The following KHDC1 variants were observed in gnomAD, a reference collection of about 807,000 sequenced individuals.
The protein encoded by KHDC1 is KH domain containing 1.
A neutral mutation model predicts 24.7 loss-of-function variants in KHDC1; 21 were observed. The observed-to-expected ratio is 0.85, with a 90% confidence interval of 0.60 to 1.23. The LOEUF (loss-of-function observed/expected upper bound fraction) is 1.23. Ranked by LOEUF, KHDC1 falls within the 50% of genes most tolerant of loss-of-function variation. The probability of loss-of-function intolerance (pLI) is 0.00; values close to 1 mark genes in which losing one functional copy is unlikely to be tolerated. For synonymous variants in KHDC1, 98 were observed against 111.7 expected, an observed-to-expected ratio of 0.88 and a Z score of 0.77; for missense variants, 274 against 298.5, an observed-to-expected ratio of 0.92 and a Z score of 0.61.
At chr6:73,267,080 AT>A (rs1767086971) in intron 2 of KHDC1, among the ~76,000 whole-genome samples, 1 of 152,212 alleles carries the variant, frequency 6.6e-6, no homozygotes, top group African/African-American at 2.4e-5. Flanking sequence ...CGATATACAA[AT>A]GGCCAATAAG....
At chr6:73,309,177 G>A (rs1017114855) in intron 1 of KHDC1, among the ~76,000 whole-genome samples, 2 of 152,238 alleles carry the variant, frequency 1.3e-5, no homozygotes, top group East Asian at 1.9e-4. Flanking sequence ...GCGGGACTCC[G>A]CTTTGAGATC....
chr6:73,289,431 T>C (rs1317297720), intron 2 of KHDC1, among the ~76,000 whole-genome samples: 8 of 139,890 alleles, frequency 5.7e-5, no homozygotes, highest in South Asian at 2.4e-4. Flanking sequence ...GGGTGGATCA[T>C]TGGAGGCCAG....
chr6:73,280,800 G>A (rs1036251191), intron 2 of KHDC1, among the ~76,000 whole-genome samples: 2 of 152,008 alleles, frequency 1.3e-5, no homozygotes, highest in Admixed American at 6.6e-5. Context: ...GATTACAGGT[G>A]TGAGCCACCA....
At chr6:73,304,950 T>C (rs1193029174) in intron 1 of KHDC1, among the ~76,000 whole-genome samples, 1 of 152,046 alleles carries the variant, frequency 6.6e-6, no homozygotes, top group East Asian at 1.9e-4. Flanking sequence ...TTAAAATAAG[T>C]ATAGAAGCCA....
intron 2 of KHDC1, among the ~76,000 whole-genome samples, chr6:73,259,962 G>C (rs897846373): frequency 6.6e-6 from 1 of 152,084 alleles, no homozygotes; most frequent in African/African-American, 2.4e-5. Flanking sequence ...AGCTGTCCAG[G>C]GGGTAGGGCA....
chr6:73,273,138 C>T (rs1328193156), intron 2 of KHDC1, among the ~76,000 whole-genome samples: 1 of 150,394 alleles, frequency 6.6e-6, no homozygotes, highest in African/African-American at 2.5e-5. Context: ...GGATTACAGG[C>T]GTGAGCCACC....
chr6:73,277,217 A>G (rs1767314445), intron 2 of KHDC1, among the ~76,000 whole-genome samples: 1 of 152,180 alleles, frequency 6.6e-6, no homozygotes, highest in Non-Finnish European at 1.5e-5. Context: ...CCTGTAATTC[A>G]AGACTGGGAA....
At chr6:73,248,068 CCAA>C (rs1766701209) in intron 2 of KHDC1, among the ~76,000 whole-genome samples, 1 of 152,094 alleles carries the variant, frequency 6.6e-6, no homozygotes, top group Non-Finnish European at 1.5e-5. Flanking sequence ...GTGAATGCCT[CCAA>C]CAAGTCTGTT....
chr6:73,296,837 C>T (rs1582587250), intron 1 of KHDC1, among the ~76,000 whole-genome samples: 1 of 152,070 alleles, frequency 6.6e-6, no homozygotes, highest in Non-Finnish European at 1.5e-5. Flanking sequence ...TCTTTTTCAA[C>T]CTCTCTCAGT....
intron 2 of KHDC1, among the ~76,000 whole-genome samples, chr6:73,243,301 A>G (rs555533777): frequency 1.3e-5 from 2 of 152,152 alleles, no homozygotes; most frequent in East Asian, 3.9e-4. Context: ...GGTAGGGAAG[A>G]TTCAACTATG....
rs141284330 is a variant in KHDC1 at position 73,268,343 on chromosome 6, G to A, written c.206+23655C>T. ...TTCAGGAGTGAAGCTGCAGACTTTC[G>A]CGGTGAGTGTTACAGCTCATAAAAG... On this transcript the variant is annotated intron_variant, in intron 2 of 4. Transcript: ENST00000370384. 1.5e-3 allele frequency: 234 copies of A among 154,208 alleles called. 1 individual carries two copies. Among genetic ancestry groups the A allele is most frequent in the Middle Eastern group, 6.4e-3 (2 of 312 alleles). 9.6% of individuals were successfully genotyped at this position (154,208 alleles called of 1,614,324 possible).
intron 1 of KHDC1, chr6:73,292,818 T>C: frequency 1.4e-6 from 1 of 705,758 alleles, no homozygotes; most frequent in South Asian, 1.4e-5. Context: ...AAAGACCCAA[T>C]TACAGAATTT....
At chr6:73,307,082 T>C (rs903734489) in intron 1 of KHDC1, among the ~76,000 whole-genome samples, 1 of 152,014 alleles carries the variant, frequency 6.6e-6, no homozygotes, top group Non-Finnish European at 1.5e-5. Flanking sequence ...GTTTTTCCTT[T>C]TACCCTGGAA....
intron 2 of KHDC1, among the ~76,000 whole-genome samples, chr6:73,266,518 C>A (rs184092161): frequency 5.9e-5 from 9 of 152,104 alleles, no homozygotes; most frequent in Non-Finnish European, 4.4e-5. Flanking sequence ...CAAGACCATT[C>A]GATGGAGGAG....
exon 4 of KHDC1, chr6:73,242,176 C>A (rs767252028): frequency 1.2e-6 from 2 of 1,614,184 alleles, no homozygotes; most frequent in Non-Finnish European, 1.7e-6. Flanking sequence ...TGAACCAACT[C>A]TCCAGCTGAA....
intron 2 of KHDC1, among the ~76,000 whole-genome samples, chr6:73,264,604 C>A (rs1767049348): frequency 6.6e-6 from 1 of 152,148 alleles, no homozygotes; most frequent in African/African-American, 2.4e-5. Flanking sequence ...AACTGATGGA[C>A]AGGAATAGGT....
intron 2 of KHDC1, among the ~76,000 whole-genome samples, chr6:73,258,673 G>C (rs543589739): frequency 2.0e-5 from 3 of 152,298 alleles, no homozygotes; most frequent in African/African-American, 7.2e-5. Context: ...AAGGTGGAGG[G>C]AGTGATCAAC....
chr6:73,297,038 T>A (rs1216683751), intron 1 of KHDC1, among the ~76,000 whole-genome samples: 1 of 152,048 alleles, frequency 6.6e-6, no homozygotes, highest in African/African-American at 2.4e-5. Flanking sequence ...GTAGCTGAGA[T>A]TACAGGCACG....
intron 2 of KHDC1, among the ~76,000 whole-genome samples, chr6:73,289,149 C>T (rs1767579326): frequency 6.6e-6 from 1 of 151,744 alleles, no homozygotes; most frequent in African/African-American, 2.4e-5. Context: ...GCCTGGCCAA[C>T]ATGGCGAAAC....
Sources: allele counts gnomAD v4.1 joint callset (sites outside exome capture counted in the v4.1 genomes callset), GRCh38; gene constraint gnomAD v4.1.1; transcripts MANE v1.5; gene names NCBI Gene and HGNC (gene_info 2026-07-23, HGNC 2026-07-21).